The following ARSG variants were observed in gnomAD, a reference collection of about 807,000 sequenced individuals.
ARSG encodes ASG.
Under a neutral mutation model 50.5 loss-of-function variants are expected in ARSG, and 37 were observed. The observed-to-expected ratio is 0.73, with a 90% CI of 0.56 to 0.96. ARSG has a LOEUF of 0.96. ARSG is among the 50% of genes least tolerant of loss of function. The pLI is 0.00. For missense variants in ARSG, 629 were observed against 675.3 expected, an observed-to-expected ratio of 0.93 and a Z score of 0.76; for synonymous variants, 225 against 254.6, an observed-to-expected ratio of 0.88 and a Z score of 1.11.
intron 11 of ARSG, among the ~76,000 whole-genome samples, chr17:68,402,425 A>G (rs939576856): frequency 6.6e-6 from 1 of 150,834 alleles, no homozygotes; most frequent in Non-Finnish European, 1.5e-5. Context: ...TTTAATTTTT[A>G]GTAGAGACTG....
Position 68,301,133 on chromosome 17 carries a change from G to A in ARSG, c.-551-5810G>A, listed in dbSNP as rs202036100. Among the ~76,000 whole-genome samples, 542 of 149,514 alleles carry A rather than the reference G, an allele frequency of 3.6e-3. 6 individuals are homozygous for A. Among genetic ancestry groups the A allele is most frequent in the African/African-American group, 0.012 (496 of 40,684 alleles). The stretch of plus-strand genomic sequence containing the variant: ...ACTCCGTCTCAAAAAAAAAAAAAAA[G>A]CATTTTAATTACGTAAGTGAAATTG... On this transcript the variant is annotated intron_variant, in intron 1 of 11. Transcript: ENST00000621439.
At chr17:68,310,970 G>A (rs781984742) in intron 2 of ARSG, among the ~76,000 whole-genome samples, 11 of 152,198 alleles carry the variant, frequency 7.2e-5, no homozygotes, top group Non-Finnish European at 1.6e-4. Flanking sequence ...GGAGGCCAAG[G>A]TGGGCACATC....
At chr17:68,389,973 C>CCTTTCTTT (rs72124884) in intron 9 of ARSG, among the ~76,000 whole-genome samples, 14 of 150,784 alleles carry the variant, frequency 9.3e-5, no homozygotes, top group Admixed American at 5.3e-4. Flanking sequence ...GCAGGCCAGG[C>CCTTTCTTT]CTTTCTTTCT....
chr17:68,345,264 G>A (rs1419510889), intron 3 of ARSG, among the ~76,000 whole-genome samples: 1 of 152,172 alleles, frequency 6.6e-6, no homozygotes, highest in South Asian at 2.1e-4. Flanking sequence ...TCGAGCCCAG[G>A]AGATCGAGAC....
At chr17:68,339,815 G>A (rs536450663) in intron 2 of ARSG, among the ~76,000 whole-genome samples, 7 of 152,250 alleles carry the variant, frequency 4.6e-5, no homozygotes, top group South Asian at 2.1e-4. Flanking sequence ...CAGGGTACCC[G>A]TTGTGCATGA....
chr17:68,403,329 G>A (rs2081561288), intron 11 of ARSG, among the ~76,000 whole-genome samples: 2 of 152,186 alleles, frequency 1.3e-5, no homozygotes, highest in African/African-American at 4.8e-5. Flanking sequence ...TGAAGTAATA[G>A]GGCTATTTAA....
upstream of ARSG, chr17:68,291,188 AC>A (rs1555755763): frequency 6.6e-6 from 1 of 151,056 alleles, no homozygotes; most frequent in South Asian, 2.1e-4. Flanking sequence ...AAAAGGATTA[AC>A]CCCTTAGGGG....
chr17:68,298,689 T>C (rs2076299149), intron 1 of ARSG, among the ~76,000 whole-genome samples: 2 of 152,084 alleles, frequency 1.3e-5, no homozygotes, highest in Admixed American at 1.3e-4. Flanking sequence ...ATTTATTGTT[T>C]ACAGTTCTGG....
intron 2 of ARSG, among the ~76,000 whole-genome samples, chr17:68,342,734 C>G (rs755673172): frequency 6.6e-6 from 1 of 152,152 alleles, no homozygotes; most frequent in South Asian, 2.1e-4. Flanking sequence ...CACTTAGGCA[C>G]TACATCTGGG....
chr17:68,439,827 C>T, the ARSG span, among the ~76,000 whole-genome samples: 1 of 152,122 alleles, frequency 6.6e-6, no homozygotes, highest in Non-Finnish European at 1.5e-5. Flanking sequence ...GAGGTCTTTC[C>T]AGATTTAACA....
At chr17:68,348,873 G>T (rs1034288556) in intron 4 of ARSG, among the ~76,000 whole-genome samples, 1 of 152,178 alleles carries the variant, frequency 6.6e-6, no homozygotes, top group Non-Finnish European at 1.5e-5. Context: ...TGTTCCTCAG[G>T]TCAGGGCTCC....
intron 11 of ARSG, among the ~76,000 whole-genome samples, chr17:68,414,582 A>G (rs956947072): frequency 6.6e-6 from 1 of 152,256 alleles, no homozygotes; most frequent in Middle Eastern, 3.4e-3. Context: ...GTCATGTGGA[A>G]TAGTGTCAAA....
At chr17:68,385,601 T>G (rs2080681571) in intron 9 of ARSG, among the ~76,000 whole-genome samples, 1 of 148,000 alleles carries the variant, frequency 6.8e-6, no homozygotes. Context: ...GGAGAAACAG[T>G]GAAGTGGGAC....
At chr17:68,274,105 C>G in intron 1 of ARSG, 1 of 1,601,998 alleles carries the variant, frequency 6.2e-7, no homozygotes, top group Non-Finnish European at 8.5e-7. Flanking sequence ...TTTTAACTCA[C>G]AGAGGCTTCA....
chr17:68,421,922 G>C (rs1301430035), downstream of ARSG: 1 of 1,477,090 alleles, frequency 6.8e-7, no homozygotes, highest in Non-Finnish European at 9.4e-7. Context: ...AGCAGGGAGA[G>C]GCTGGGCACT....
chr17:68,270,485 T>A (rs1390769668), intron 1 of ARSG, among the ~76,000 whole-genome samples: 1 of 147,106 alleles, frequency 6.8e-6, no homozygotes, highest in Non-Finnish European at 1.5e-5. Flanking sequence ...ATCTGGGAGG[T>A]GGAGGTTGCA....
chr17:68,427,132 CA>C, downstream of ARSG: 1 of 1,613,418 alleles, frequency 6.2e-7, no homozygotes, highest in Non-Finnish European at 8.5e-7. Flanking sequence ...CGTGTCCACC[CA>C]CCTGGCACCG....
chr17:68,412,638 T>C (rs893553087), intron 11 of ARSG, among the ~76,000 whole-genome samples: 2 of 152,180 alleles, frequency 1.3e-5, no homozygotes, highest in African/African-American at 4.8e-5. Flanking sequence ...TGTGGCGTTC[T>C]CTGTATTTCC....
the ARSG span, among the ~76,000 whole-genome samples, chr17:68,435,880 A>T: frequency 6.6e-6 from 1 of 152,150 alleles, no homozygotes; most frequent in Non-Finnish European, 1.5e-5. Context: ...TTTCTGGTGA[A>T]TCAAGATTTG....
Sources: allele counts gnomAD v4.1 joint callset (sites outside exome capture counted in the v4.1 genomes callset), GRCh38; gene constraint gnomAD v4.1.1; transcripts MANE v1.5; gene names NCBI Gene and HGNC (gene_info 2026-07-23, HGNC 2026-07-21).